Variants in SYNRG observed in about 807,000 individuals in gnomAD.
SYNRG encodes synergin gamma, also known as AP1 gamma subunit binding protein 1.
In SYNRG, 37 loss-of-function variants were observed where a neutral mutation model predicts 130.9. That is an observed-to-expected ratio of 0.28 (90% CI 0.22 to 0.37). The LOEUF is 0.37. Among genes scored for constraint, SYNRG ranks in the 10% least tolerant of loss-of-function variants. SYNRG has a pLI of 1.00. For missense variants in SYNRG, 1,338 were observed against 1,588.9 expected (o/e 0.84, Z 2.68); for synonymous variants, 539 against 568.1 (o/e 0.95, Z 0.73).
In SYNRG at chr17:37,596,329, A is replaced by T; in HGVS notation, c.134T>A (p.Met45Lys). The change falls in exon 3 of 22, where the codon ATG (methionine) becomes AAG (lysine). Residue 45 changes from methionine (M) to lysine (K), a missense_variant. Transcript: ENST00000612223. ...IRPPQAGLMP[M>K]QQQGFPMVSV... ...GACCATAGGAAATCCTTGTTGCTGC[A>T]TCGGCATCAGGCCTGCTGAAAATAT... 6.2e-7 allele frequency: 1 copy of T among 1,614,126 alleles called. No individual in the cohort carries two copies. Among genetic ancestry groups the T allele is most frequent in the Non-Finnish European group, 8.5e-7 (1 of 1,179,994 alleles).
intron 1 of SYNRG, chr17:37,606,003 C>T: frequency 4.1e-6 from 4 of 985,390 alleles, no homozygotes; most frequent in Non-Finnish European, 4.8e-6. Flanking sequence ...AAATGATGGA[C>T]CATTACGCAA....
At chr17:37,531,241 G>A (rs3110629) in intron 19 of SYNRG, among the ~76,000 whole-genome samples, 75,824 of 151,554 alleles carry the variant, frequency 0.5, 19,374 homozygotes, top group East Asian at 0.81. Context: ...TCTAAACAAT[G>A]AACAAACAGG....
In SYNRG at chr17:37,518,599, G is replaced by C. The variant is rs967921948; in HGVS notation, c.*341C>G. On this transcript the variant is annotated 3_prime_UTR_variant, in exon 22 of 22. Transcript: ENST00000612223. ...CCAAGCAGTCGCCCATTCTAGTCCC[G>C]CAACGGTAATCTATTTTTCTTCAAA... 1 of 236,412 alleles carries C rather than the reference G, an allele frequency of 4.2e-6. No homozygotes were observed. The highest frequency in any genetic ancestry group is 8.2e-6 in the Non-Finnish European group (1 of 121,950). 14.6% of individuals were successfully genotyped at this position (236,412 alleles called of 1,614,324 possible). A position where few individuals can be genotyped will look rare whatever the true frequency, so the allele number is the denominator to read the frequency against.
chr17:37,579,989 C>A (rs1009428828), intron 6 of SYNRG, among the ~76,000 whole-genome samples: 1 of 151,968 alleles, frequency 6.6e-6, no homozygotes, highest in African/African-American at 2.4e-5. Flanking sequence ...TAATTTTTCC[C>A]CTGAGACCAT....
At chr17:37,564,527 A>C (rs1598373864) in intron 11 of SYNRG, among the ~76,000 whole-genome samples, 1 of 152,228 alleles carries the variant, frequency 6.6e-6, no homozygotes, top group South Asian at 2.1e-4. Context: ...ATAAGTCATA[A>C]GCCATCCCAC....
Position 37,539,265 on chromosome 17 carries a change from A to T in SYNRG, c.3367-20T>A, listed in dbSNP as rs754711513. On this transcript the variant is annotated intron_variant, in intron 16 of 21. Coordinates refer to ENST00000612223, the MANE Select transcript of SYNRG (RefSeq NM_007247.6). ...ATTTTCCTGTGAATTTGTTAAAAAG[A>T]ACTGGGTTAAACACACAAACCTGGA... 6.2e-7 allele frequency: 1 copy of T among 1,612,392 alleles called. No homozygotes were observed. The highest frequency in any genetic ancestry group is 1.1e-5 in the South Asian group (1 of 90,974).
rs779827644 is a variant in SYNRG at position 37,542,120 on chromosome 17, G to A, written c.3054C>T (p.Asn1018=). Residue 1018 remains asparagine (N), a synonymous_variant, in exon 15 of 22, where the codon AAC becomes AAT. Coordinates refer to ENST00000612223, the MANE Select transcript of SYNRG (RefSeq NM_007247.6). ...ACTCTCCAAAGTCATCCGAACATTC[G>A]TTCGGGGTTTCTTGAGAGGCACCAC... ...ASSGASQETP[N]ECSDDFGEFQ... The A allele has an allele frequency of 1.4e-5, 22 of 1,614,068 alleles. No homozygotes were observed. Among genetic ancestry groups the A allele is most frequent in the South Asian group, 1.2e-4 (11 of 91,088 alleles).
rs575177668 is a variant in SYNRG at position 37,585,614 on chromosome 17, CAT to C, written c.372-186_372-185del. On this transcript the variant is annotated intron_variant, in intron 4 of 21. Coordinates refer to ENST00000612223, the MANE Select transcript of SYNRG (RefSeq NM_007247.6). ...ACTATATTAATTCCAAAATATTTGA[CAT>C]GAGTCTAAAGAATGATTTACCTAAA... 2.6e-3 allele frequency among the ~76,000 whole-genome samples: 392 copies of C among 152,286 alleles called. 4 individuals carry two copies. Among genetic ancestry groups the C allele is most frequent in the African/African-American group, 9.0e-3 (372 of 41,550 alleles).
intron 14 of SYNRG, 52 bp from the exon 15 acceptor site, chr17:37,542,617 G>A: frequency 1.4e-6 from 2 of 1,452,390 alleles, no homozygotes; most frequent in Admixed American, 1.9e-5. Context: ...TAGGCAAAAT[G>A]CCCTAAACTC....
At chr17:37,589,360 C>T (rs923991627) in intron 3 of SYNRG, among the ~76,000 whole-genome samples, 1 of 152,176 alleles carries the variant, frequency 6.6e-6, no homozygotes, top group African/African-American at 2.4e-5. Context: ...AAGACAGATA[C>T]AGCAATGGGA....
At chr17:37,578,191 C>G (rs1420170616) in intron 6 of SYNRG, among the ~76,000 whole-genome samples, 1 of 151,742 alleles carries the variant, frequency 6.6e-6, no homozygotes, top group Non-Finnish European at 1.5e-5. Context: ...ATTAGCCAGG[C>G]GTGGTGGCGG....
rs1454843103 is a variant in SYNRG at position 37,517,936 on chromosome 17, TTTTC to T, written c.*1000_*1003del. The stretch of plus-strand genomic sequence containing the variant: ...AAAATTCAGTACTGTTTCTGGACAA[TTTTC>T]TTCTACTTCTTCTAAGTCATGTATC... On this transcript the variant is annotated 3_prime_UTR_variant, in exon 22 of 22. Transcript: ENST00000612223. 1 of 152,202 alleles carries T rather than the reference TTTTC, an allele frequency of 6.6e-6. No homozygotes were observed. The highest frequency in any genetic ancestry group is 1.5e-5 in the Non-Finnish European group (1 of 68,030). The allele number at this position is 152,202 out of a possible 1,614,324, so 9.4% of individuals were successfully genotyped here.
At chr17:37,569,706 A>G (rs2060274852) in intron 10 of SYNRG, among the ~76,000 whole-genome samples, 1 of 152,000 alleles carries the variant, frequency 6.6e-6, no homozygotes, top group Non-Finnish European at 1.5e-5. Context: ...AAAAAAAAAA[A>G]AAAAGACATA....
intron 18 of SYNRG, 142 bp downstream of exon 18, chr17:37,538,182 T>C: frequency 1.7e-6 from 1 of 596,320 alleles, no homozygotes; most frequent in Non-Finnish European, 2.9e-6. Flanking sequence ...TGCCTGTAGC[T>C]TGAGTGTCTT....
chr17:37,556,601 T>C (rs1315338518), intron 13 of SYNRG, among the ~76,000 whole-genome samples: 1 of 149,504 alleles, frequency 6.7e-6, no homozygotes, highest in African/African-American at 2.4e-5. Context: ...TAACCTGAGA[T>C]AGTTAACCAA....
At chr17:37,564,493 A>C (rs2059773339) in intron 11 of SYNRG, among the ~76,000 whole-genome samples, 1 of 152,174 alleles carries the variant, frequency 6.6e-6, no homozygotes, top group Non-Finnish European at 1.5e-5. Context: ...CTTACTCATA[A>C]AATGCTTTAA....
intron 11 of SYNRG, 30 bp from the exon 12 acceptor site, chr17:37,561,619 A>G (rs1369539595): frequency 6.7e-7 from 1 of 1,500,014 alleles, no homozygotes; most frequent in Non-Finnish European, 9.3e-7. Context: ...TATTTTGATG[A>G]CATTGAATCC....
chr17:37,518,937 T>C lies in SYNRG; in HGVS notation c.*3A>G. The C allele has an allele frequency of 6.2e-7, 1 of 1,606,380 alleles. No homozygotes were observed. The highest frequency in any genetic ancestry group is 1.1e-5 in the South Asian group (1 of 88,884). On this transcript the variant is annotated 3_prime_UTR_variant, in exon 22 of 22. Transcript: ENST00000612223. ...AAAAGTCAATGCTTCACAGAGGAGT[T>C]GTTCAGAGCAGGTCAGGCAGGACGA...
At chr17:37,597,985 C>A (rs1020227864) in intron 2 of SYNRG, among the ~76,000 whole-genome samples, 2 of 152,118 alleles carry the variant, frequency 1.3e-5, no homozygotes, top group African/African-American at 4.8e-5. Flanking sequence ...TATAACCTAG[C>A]CTAATTTCAG....
Sources: allele counts gnomAD v4.1 joint callset (sites outside exome capture counted in the v4.1 genomes callset), GRCh38; gene constraint gnomAD v4.1.1; transcripts MANE v1.5; gene names NCBI Gene and HGNC (gene_info 2026-07-23, HGNC 2026-07-21).